The following COBL variants were observed in gnomAD, a reference collection of about 807,000 sequenced individuals.
COBL encodes protein cordon-bleu.
A neutral mutation model predicts 98.8 loss-of-function variants in COBL; 51 were observed. The ratio of observed to expected loss-of-function variants is 0.52; its 90% CI spans 0.41 to 0.65. The LOEUF (loss-of-function observed/expected upper bound fraction) is 0.65, where lower values mean the gene tolerates loss of function less well. Among genes scored for constraint, COBL ranks in the 30% least tolerant of loss-of-function variants. The probability of loss-of-function intolerance (pLI) is 0.00; values close to 1 mark genes in which losing one functional copy is unlikely to be tolerated. For missense variants in COBL, 1,617 were observed against 1,617.5 expected (o/e 1.00, Z 0.01); for synonymous variants, 634 against 651.7 (o/e 0.97, Z 0.41).
At chr7:51,300,420 C>T (rs768278839) in intron 1 of COBL, among the ~76,000 whole-genome samples, 13 of 152,158 alleles carry the variant, frequency 8.5e-5, no homozygotes, top group Non-Finnish European at 1.2e-4. Context: ...CTTAGCCTCC[C>T]GAAGTGCTGG....
In COBL at chr7:51,043,666, G is replaced by A. The variant is rs745333155; in HGVS notation, c.1123C>T (p.His375Tyr). Residue 375 changes from histidine to tyrosine, a missense_variant, in exon 8 of 13, where the codon CAC becomes TAC. His to Tyr is a moderately conservative substitution (Grantham distance 83). Transcript: ENST00000265136. Reference sequence around the variant, plus strand: ...TGCGGGGCTCCATCCGGGCTGCAGTGGCTGCCAGACCCCAGGGGCAGGCTT... The same window carrying A: ...TGCGGGGCTCCATCCGGGCTGCAGTAGCTGCCAGACCCCAGGGGCAGGCTT... Reference protein sequence around the residue: ...MVSLPLGSGSHCSPDGAPQVL... With the variant: ...MVSLPLGSGSYCSPDGAPQVL... The A allele has an allele frequency of 3.2e-5, 52 of 1,613,912 alleles. No individual in the cohort carries two copies. Among genetic ancestry groups the A allele is most frequent in the Non-Finnish European group, 4.3e-5 (51 of 1,180,038 alleles).
At chr7:51,249,112 T>C (rs28702072) in intron 1 of COBL, among the ~76,000 whole-genome samples, 7,324 of 152,268 alleles carry the variant, frequency 0.048, 574 homozygotes, top group African/African-American at 0.16. Context: ...TGAACCCATT[T>C]GTGAATCTCT....
intron 1 of COBL, among the ~76,000 whole-genome samples, chr7:51,307,940 G>C (rs543731299): frequency 6.6e-6 from 1 of 152,352 alleles, no homozygotes; most frequent in South Asian, 2.1e-4. Context: ...GATGTTGTCA[G>C]AGCGCAGATA....
At chr7:51,116,365 C>T (rs900916605) in intron 6 of COBL, among the ~76,000 whole-genome samples, 1 of 152,088 alleles carries the variant, frequency 6.6e-6, no homozygotes, top group East Asian at 1.9e-4. Flanking sequence ...TATGTGTGCT[C>T]AACTTTTACA....
intron 7 of COBL, among the ~76,000 whole-genome samples, chr7:51,047,935 C>T (rs1308939168): frequency 4.6e-5 from 7 of 152,084 alleles, no homozygotes; most frequent in African/African-American, 7.2e-5. Context: ...GGGAGGCTGA[C>T]GTGGGCGGAT....
chr7:51,150,172 G>A (rs1785425680), intron 5 of COBL, among the ~76,000 whole-genome samples: 1 of 152,092 alleles, frequency 6.6e-6, no homozygotes, highest in Non-Finnish European at 1.5e-5. Flanking sequence ...GTACACCTTG[G>A]GCTCACTCAT....
intron 1 of COBL, among the ~76,000 whole-genome samples, chr7:51,269,182 C>CT (rs1370031313): frequency 1.3e-5 from 2 of 152,116 alleles, no homozygotes; most frequent in Non-Finnish European, 2.9e-5. Context: ...CTCAGAACTG[C>CT]TGGATCAAAA....
At chr7:51,119,750 T>C (rs1207327437) in intron 6 of COBL, among the ~76,000 whole-genome samples, 1 of 152,248 alleles carries the variant, frequency 6.6e-6, no homozygotes. Flanking sequence ...TTCATCAATA[T>C]AGGACTTAAA....
chr7:51,249,938 C>A (rs944976014), intron 1 of COBL, among the ~76,000 whole-genome samples: 3 of 152,092 alleles, frequency 2.0e-5, no homozygotes, highest in Non-Finnish European at 4.4e-5. Flanking sequence ...CCTGTCTCTA[C>A]TAAAAATACA....
chr7:51,208,043 G>A (rs1442367243), intron 2 of COBL, among the ~76,000 whole-genome samples: 4 of 150,464 alleles, frequency 2.7e-5, no homozygotes, highest in South Asian at 2.1e-4. Flanking sequence ...CTGCCTGGCC[G>A]CCCATTGTCT....
intron 5 of COBL, among the ~76,000 whole-genome samples, chr7:51,147,837 G>A (rs1219670366): frequency 3.3e-5 from 5 of 150,808 alleles, no homozygotes; most frequent in South Asian, 2.1e-4. Flanking sequence ...TGCAAGCTCC[G>A]CCTCCCAGGT....
intron 5 of COBL, among the ~76,000 whole-genome samples, chr7:51,179,164 C>T (rs1006909089): frequency 6.6e-6 from 1 of 152,096 alleles, no homozygotes. Context: ...GCATATTAGG[C>T]ATATTTGGTA....
chr7:51,300,481 G>A (rs569031385), intron 1 of COBL, among the ~76,000 whole-genome samples: 15 of 152,214 alleles, frequency 9.9e-5, no homozygotes, highest in African/African-American at 2.6e-4. Context: ...TTATTAAAGC[G>A]GGGAAGCCTC....
chr7:51,268,494 GAGA>G (rs1214204683), intron 1 of COBL, among the ~76,000 whole-genome samples: 3 of 152,176 alleles, frequency 2.0e-5, no homozygotes, highest in East Asian at 1.9e-4. Context: ...GATGAACGCT[GAGA>G]AGAAGAGTTA....
chr7:51,100,271 C>T (rs1421088657), intron 6 of COBL, among the ~76,000 whole-genome samples: 2 of 152,198 alleles, frequency 1.3e-5, no homozygotes, highest in Non-Finnish European at 2.9e-5. Context: ...TTCACTTACT[C>T]CTTCAATTAA....
intron 1 of COBL, among the ~76,000 whole-genome samples, chr7:51,304,642 G>A (rs983100061): frequency 6.6e-6 from 1 of 152,114 alleles, no homozygotes; most frequent in African/African-American, 2.4e-5. Flanking sequence ...TCAGGACAGA[G>A]TTTCACATCT....
At chr7:51,195,441 A>C (rs1169179240) in intron 2 of COBL, among the ~76,000 whole-genome samples, 11 of 152,084 alleles carry the variant, frequency 7.2e-5, no homozygotes. Flanking sequence ...TTTTAAGTCA[A>C]GTAGCATGAT....
chr7:51,086,024 G>A (rs74852254), intron 6 of COBL, among the ~76,000 whole-genome samples: 12,590 of 152,214 alleles, frequency 0.083, 745 homozygotes, highest in South Asian at 0.12. Flanking sequence ...TGCTGAATGT[G>A]AAATCTGTTT....
At chr7:51,076,454 A>C (rs897630699) in intron 7 of COBL, among the ~76,000 whole-genome samples, 10 of 152,112 alleles carry the variant, frequency 6.6e-5, no homozygotes, top group Non-Finnish European at 1.0e-4. Context: ...GTAGCCACCA[A>C]ATATTTCAAG....
Sources: gnomAD v4.1 joint callset for allele counts (sites outside exome capture counted in the v4.1 genomes callset) on GRCh38, gnomAD v4.1.1 for gene constraint, MANE v1.5 for transcripts, NCBI Gene and HGNC (gene_info 2026-07-23, HGNC 2026-07-21) for gene names.